NPAS3: variants seen among roughly 807,000 people sequenced by gnomAD.
NPAS3 encodes neuronal PAS domain-containing protein 3.
NPAS3 carries 14 observed loss-of-function variants against 73.1 expected under a neutral mutation model. That is an observed-to-expected ratio of 0.19 (90% CI 0.13 to 0.30). NPAS3 has a LOEUF of 0.30. Among genes scored for constraint, NPAS3 ranks in the 10% least tolerant of loss-of-function variants. The pLI is 1.00. For missense variants in NPAS3, 1,096 were observed against 1,250.0 expected, an observed-to-expected ratio of 0.88 and a Z score of 1.86; for synonymous variants, 620 against 541.5, an observed-to-expected ratio of 1.14 and a Z score of -2.01.
intron 9 of NPAS3, 41 bp from the exon 10 acceptor site, chr14:33,793,856 C>T: frequency 6.4e-7 from 1 of 1,560,236 alleles, no homozygotes; most frequent in Non-Finnish European, 8.6e-7. Flanking sequence ...TATTTGATCC[C>T]AGTCTTAATA....
At chr14:33,613,834 T>G (rs1741593432) in intron 5 of NPAS3, among the ~76,000 whole-genome samples, 1 of 152,192 alleles carries the variant, frequency 6.6e-6, no homozygotes, top group Non-Finnish European at 1.5e-5. Flanking sequence ...AAGTCTCTCT[T>G]ATGAAGCTCA....
chr14:33,768,843 A>G (rs542637604), intron 7 of NPAS3, among the ~76,000 whole-genome samples: 127 of 152,300 alleles, frequency 8.3e-4, no homozygotes, highest in African/African-American at 3.0e-3. Flanking sequence ...GGCTCTTGAC[A>G]TATTAGAATC....
chr14:33,757,624 A>T (rs2062155565), intron 7 of NPAS3, among the ~76,000 whole-genome samples: 1 of 152,204 alleles, frequency 6.6e-6, no homozygotes, highest in Non-Finnish European at 1.5e-5. Flanking sequence ...TATTACAGTG[A>T]TGGCACTTGG....
intron 4 of NPAS3, among the ~76,000 whole-genome samples, chr14:33,449,549 G>A (rs567149236): frequency 2.0e-5 from 3 of 151,866 alleles, no homozygotes; most frequent in Non-Finnish European, 4.4e-5. Context: ...AAACAGCTGT[G>A]CCTAAATTCA....
At chr14:33,140,727 A>C (rs2044015128) in intron 2 of NPAS3, among the ~76,000 whole-genome samples, 1 of 152,232 alleles carries the variant, frequency 6.6e-6, no homozygotes, top group Non-Finnish European at 1.5e-5. Flanking sequence ...AAAAAGTATC[A>C]GAAATTCCTC....
At chr14:33,064,987 A>G (rs556789655) in intron 2 of NPAS3, among the ~76,000 whole-genome samples, 2 of 152,134 alleles carry the variant, frequency 1.3e-5, no homozygotes, top group Admixed American at 1.3e-4. Flanking sequence ...CCATAGAGAA[A>G]CTGTTCCACA....
chr14:33,391,666 G>A lies in NPAS3; in HGVS notation c.468+24398G>A, dbSNP rs569002766. ...GTGTGTGTGAACAATGTTTTTTTCAGGGATGAGAAGATATTGTGTTGAAGT... is the reference window on the plus strand; with the variant it reads ...GTGTGTGTGAACAATGTTTTTTTCAAGGATGAGAAGATATTGTGTTGAAGT... On this transcript the variant is annotated intron_variant, in intron 4 of 11. Coordinates refer to ENST00000356141, the Ensembl canonical transcript of NPAS3. Among the ~76,000 whole-genome samples the A allele has an allele frequency of 2.0e-5, 3 of 152,246 alleles. No homozygotes were observed. The South Asian group carries it at 6.2e-4, about 32-fold the overall frequency.
intron 7 of NPAS3, among the ~76,000 whole-genome samples, chr14:33,753,112 AC>A (rs1334500239): frequency 6.6e-6 from 1 of 152,190 alleles, no homozygotes. Flanking sequence ...GTGTTAAAAC[AC>A]TTTTACAAAA....
chr14:32,951,657 A>G (rs551907903), intron 1 of NPAS3, among the ~76,000 whole-genome samples: 9 of 152,272 alleles, frequency 5.9e-5, no homozygotes, highest in African/African-American at 2.2e-4. Context: ...GGAAAACTAG[A>G]TGATATACAA....
intron 3 of NPAS3, among the ~76,000 whole-genome samples, chr14:33,296,707 C>T (rs577607503): frequency 2.0e-5 from 3 of 152,292 alleles, no homozygotes; most frequent in East Asian, 1.9e-4. Flanking sequence ...GAAAGTTTTT[C>T]GACTCCATTT....
At chr14:33,258,547 T>C (rs563538536) in intron 3 of NPAS3, among the ~76,000 whole-genome samples, 5 of 152,324 alleles carry the variant, frequency 3.3e-5, no homozygotes, top group African/African-American at 1.2e-4. Flanking sequence ...GGTGGGGCTA[T>C]GGAAAGCTGA....
Position 33,380,331 on chromosome 14 carries a change from C to G in NPAS3, c.468+13063C>G, listed in dbSNP as rs1433814247. Among the ~76,000 whole-genome samples, 3 of 151,892 alleles carry G rather than the reference C, an allele frequency of 2.0e-5. No homozygotes were observed. In the East Asian group the frequency reaches 5.8e-4, roughly 29 times the overall value. ...TGGGCACCAAGCAACAAGAAAGGCA[C>G]TGTAGGGATCCTGCTTGGGGGAGGA... On this transcript the variant is annotated intron_variant, in intron 4 of 11. Coordinates refer to ENST00000356141, the Ensembl canonical transcript of NPAS3.
At chr14:33,158,609 G>C (rs2044734541) in intron 2 of NPAS3, among the ~76,000 whole-genome samples, 1 of 152,096 alleles carries the variant, frequency 6.6e-6, no homozygotes, top group African/African-American at 2.4e-5. Flanking sequence ...CAGAGAGAGG[G>C]TGTTCATGGA....
intron 4 of NPAS3, among the ~76,000 whole-genome samples, chr14:33,537,379 G>GA (rs1047286430): frequency 4.6e-5 from 7 of 152,104 alleles, no homozygotes; most frequent in African/African-American, 1.7e-4. Context: ...TGCTCAAACA[G>GA]AAAAAATCTC....
chr14:33,006,472 G>A (rs1270231130), intron 1 of NPAS3, among the ~76,000 whole-genome samples: 4 of 152,122 alleles, frequency 2.6e-5, no homozygotes, highest in Admixed American at 2.6e-4. Flanking sequence ...AAATTATCGT[G>A]CTAATTTTTT....
At chr14:33,481,840 G>A (rs1395280709) in intron 4 of NPAS3, among the ~76,000 whole-genome samples, 1 of 152,048 alleles carries the variant, frequency 6.6e-6, no homozygotes, top group Non-Finnish European at 1.5e-5. Flanking sequence ...GGGAGGACAA[G>A]GCTGTTTGTT....
Position 33,250,677 on chromosome 14 carries a change from A to G in NPAS3, c.385+35251A>G, listed in dbSNP as rs575073301. ...TTACATTCAAAATTGGTAATTATTCATGCTTGATTGTGGTTATGAATGATC... is the reference window on the plus strand; with the variant it reads ...TTACATTCAAAATTGGTAATTATTCGTGCTTGATTGTGGTTATGAATGATC... On this transcript the variant is annotated intron_variant, in intron 3 of 11. Transcript: ENST00000356141. 7.9e-5 allele frequency among the ~76,000 whole-genome samples: 12 copies of G among 152,192 alleles called. 1 individual carries two copies. Among genetic ancestry groups the G allele is most frequent in the African/African-American group, 2.6e-4 (11 of 41,548 alleles).
At chr14:33,745,933 A>T (rs2061777541) in intron 7 of NPAS3, among the ~76,000 whole-genome samples, 2 of 152,282 alleles carry the variant, frequency 1.3e-5, no homozygotes, top group Non-Finnish European at 2.9e-5. Flanking sequence ...ATAGCCCTTA[A>T]TGCAAGAAAT....
chr14:33,540,726 C>G (rs1220501382), intron 4 of NPAS3, among the ~76,000 whole-genome samples: 7 of 152,008 alleles, frequency 4.6e-5, no homozygotes, highest in African/African-American at 1.7e-4. Context: ...AAACACTGAG[C>G]TGGAAACTAG....
Sources: gnomAD v4.1 joint callset for allele counts (sites outside exome capture counted in the v4.1 genomes callset) on GRCh38, gnomAD v4.1.1 for gene constraint, MANE v1.5 for transcripts, NCBI Gene and HGNC (gene_info 2026-07-23, HGNC 2026-07-21) for gene names.